ATP8A2: variants seen among roughly 807,000 people sequenced by gnomAD.
The protein encoded by ATP8A2 is ATPase phospholipid transporting 8A2.
A neutral mutation model predicts 165.6 loss-of-function variants in ATP8A2; 100 were observed. The ratio of observed to expected loss-of-function variants is 0.60; its 90% CI spans 0.51 to 0.71. The LOEUF is 0.71. Among genes scored for constraint, ATP8A2 ranks in the 30% least tolerant of loss-of-function variants. ATP8A2 has a pLI of 0.00. For synonymous variants in ATP8A2, 543 were observed against 548.8 expected, an observed-to-expected ratio of 0.99 and a Z score of 0.15; for missense variants, 1,227 against 1,479.5, an observed-to-expected ratio of 0.83 and a Z score of 2.80.
At chr13:25,629,148 C>G (rs536859434) in intron 24 of ATP8A2, among the ~76,000 whole-genome samples, 1 of 152,204 alleles carries the variant, frequency 6.6e-6, no homozygotes, top group South Asian at 2.1e-4. Flanking sequence ...AGCATTGTAC[C>G]CTGCTCCTGG....
At chr13:25,952,101 A>G (rs900284862) in intron 33 of ATP8A2, among the ~76,000 whole-genome samples, 5 of 152,180 alleles carry the variant, frequency 3.3e-5, no homozygotes, top group Admixed American at 6.5e-5. Flanking sequence ...TCATTGTTTA[A>G]CAATTCCTTT....
At chr13:25,870,797 T>G (rs983118266) in intron 33 of ATP8A2, among the ~76,000 whole-genome samples, 1 of 152,176 alleles carries the variant, frequency 6.6e-6, no homozygotes, top group Non-Finnish European at 1.5e-5. Flanking sequence ...TTTTAATAAA[T>G]TTTATCTGAA....
chr13:25,972,623 C>G (rs191002396), intron 35 of ATP8A2, among the ~76,000 whole-genome samples: 2 of 152,150 alleles, frequency 1.3e-5, no homozygotes, highest in Non-Finnish European at 2.9e-5. Context: ...AGGAACCCCC[C>G]CGCACCGCAC....
intron 24 of ATP8A2, among the ~76,000 whole-genome samples, chr13:25,661,903 A>G (rs9511865): frequency 0.24 from 37,235 of 152,158 alleles, 5,002 homozygotes; most frequent in South Asian, 0.47. Flanking sequence ...ACATGAAATC[A>G]TTCATTTAGA....
chr13:25,494,353 G>C (rs1016083869), intron 2 of ATP8A2, among the ~76,000 whole-genome samples: 2 of 152,172 alleles, frequency 1.3e-5, no homozygotes, highest in Non-Finnish European at 2.9e-5. Context: ...GGGCGGTGGG[G>C]GTAGTTGGAG....
chr13:25,624,773 C>G (rs1047842871), intron 24 of ATP8A2, among the ~76,000 whole-genome samples: 8 of 152,106 alleles, frequency 5.3e-5, no homozygotes, highest in African/African-American at 1.9e-4. Flanking sequence ...ATAGTTCAAC[C>G]AAGTAAATTG....
chr13:25,889,385 C>CT (rs932366447), intron 33 of ATP8A2, among the ~76,000 whole-genome samples: 24 of 151,540 alleles, frequency 1.6e-4, no homozygotes, highest in Non-Finnish European at 3.2e-4. Flanking sequence ...AAATCACCTT[C>CT]TTTTTTATCT....
At chr13:25,742,119 A>G (rs1256703137) in intron 25 of ATP8A2, among the ~76,000 whole-genome samples, 4 of 152,230 alleles carry the variant, frequency 2.6e-5, no homozygotes, top group Admixed American at 1.3e-4. Flanking sequence ...CCTGGACTGT[A>G]CGGAATAGCC....
chr13:25,835,651 C>T (rs1951585356), intron 28 of ATP8A2, among the ~76,000 whole-genome samples: 1 of 152,052 alleles, frequency 6.6e-6, no homozygotes, highest in Non-Finnish European at 1.5e-5. Context: ...GCCAACATGT[C>T]CTGAGTTAAA....
rs763805367 is a variant in ATP8A2, at chr13:25,579,888, A to G, written c.1948A>G (p.Ser650Gly). Reference sequence around the variant, plus strand: ...GTGGCTGAAAGTCTATCAGGAAGCCAGCACCATATTGAAGGACAGAGCTCA... The same window carrying G: ...GTGGCTGAAAGTCTATCAGGAAGCCGGCACCATATTGAAGGACAGAGCTCA... ...EEWLKVYQEA[S>G]TILKDRAQRL... The change falls in exon 22 of 37, where the codon AGC (serine) becomes GGC (glycine). Residue 650 changes from serine to glycine, a missense_variant. Physicochemically the swap from Ser to Gly is moderately conservative, Grantham distance 56. Coordinates refer to ENST00000381655, the MANE Select transcript of ATP8A2 (RefSeq NM_016529.6). The G allele has an allele frequency of 5.6e-6, 9 of 1,614,124 alleles. 1 individual carries two copies. In the South Asian group the frequency reaches 9.9e-5, roughly 18 times the overall value.
At chr13:25,772,064 T>G (rs970486018) in intron 26 of ATP8A2, among the ~76,000 whole-genome samples, 1 of 152,192 alleles carries the variant, frequency 6.6e-6, no homozygotes, top group African/African-American at 2.4e-5. Context: ...GTTCTATTTC[T>G]TCCCTGCCTA....
intron 2 of ATP8A2, among the ~76,000 whole-genome samples, chr13:25,523,904 G>A (rs541288698): frequency 3.3e-5 from 5 of 151,514 alleles, no homozygotes; most frequent in Admixed American, 6.6e-5. Flanking sequence ...CTAATTTTGG[G>A]TTTCATTTGT....
In ATP8A2 at chr13:25,528,793, G is replaced by A. The variant is rs191470900; in HGVS notation, c.222-1206G>A. Among the ~76,000 whole-genome samples, 226 of 86,536 alleles carry A rather than the reference G, an allele frequency of 2.6e-3. 15 individuals carry two copies. The highest frequency in any genetic ancestry group is 2.5e-4 in the Non-Finnish European group (8 of 31,666). The allele number at this position is 86,536 out of a possible 152,430, so 56.8% of individuals were successfully genotyped here. On this transcript the variant is annotated intron_variant, in intron 2 of 36. Transcript: ENST00000381655. The stretch of plus-strand genomic sequence containing the variant: ...GTGTATGCACACATATGCAACATGT[G>A]TATGCACACATATGCAACATGTGTA...
At chr13:25,607,996 G>C (rs879771545) in intron 24 of ATP8A2, among the ~76,000 whole-genome samples, 1 of 152,168 alleles carries the variant, frequency 6.6e-6, no homozygotes, top group Non-Finnish European at 1.5e-5. Context: ...AAAATAAGAA[G>C]CATGTGAAAG....
intron 6 of ATP8A2, among the ~76,000 whole-genome samples, chr13:25,536,997 A>G (rs1039385899): frequency 6.6e-6 from 1 of 152,232 alleles, no homozygotes; most frequent in Non-Finnish European, 1.5e-5. Context: ...GCACACGGCT[A>G]TAAAGCTAGG....
At chr13:25,903,672 T>C (rs1481301888) in intron 33 of ATP8A2, among the ~76,000 whole-genome samples, 2 of 152,204 alleles carry the variant, frequency 1.3e-5, no homozygotes, top group Non-Finnish European at 2.9e-5. Context: ...TGTCTTTAGG[T>C]TCTGAACTTG....
At chr13:25,517,017 G>T (rs186199413) in intron 2 of ATP8A2, 1 of 151,434 alleles carries the variant, frequency 6.6e-6, no homozygotes, top group Non-Finnish European at 1.5e-5. Context: ...CTGACCTCAA[G>T]CTATCCACCC....
intron 33 of ATP8A2, among the ~76,000 whole-genome samples, chr13:25,940,806 C>T (rs1199330115): frequency 1.3e-5 from 2 of 152,220 alleles, no homozygotes; most frequent in African/African-American, 2.4e-5. Flanking sequence ...GGCTCTAGGG[C>T]CTTGTTGGAT....
In ATP8A2 at chr13:25,947,962, C is replaced by T. The variant is rs553894303; in HGVS notation, c.3184-13613C>T. 2.0e-5 allele frequency among the ~76,000 whole-genome samples: 3 copies of T among 152,200 alleles called. No individual in the cohort carries two copies. The East Asian group carries it at 5.8e-4, about 29-fold the overall frequency. ...CCACTGCCTGATGAGGGGACGTTCA[C>T]CTGCACCTATTAATTAAAATAGAAG... On this transcript the variant is annotated intron_variant, in intron 33 of 36. Transcript: ENST00000381655.
Sources: allele counts gnomAD v4.1 joint callset (sites outside exome capture counted in the v4.1 genomes callset), GRCh38; gene constraint gnomAD v4.1.1; transcripts MANE v1.5; gene names NCBI Gene and HGNC (gene_info 2026-07-23, HGNC 2026-07-21).